DIP2B: variants seen among roughly 807,000 people sequenced by gnomAD.
The protein encoded by DIP2B is DIP2 acetate--CoA ligase B (putative), also known as disco-interacting protein 2 homolog B.
DIP2B carries 76 observed loss-of-function variants against 198.0 expected under a neutral mutation model. The observed-to-expected ratio is 0.38, with a 90% CI of 0.32 to 0.46. DIP2B has a LOEUF of 0.46. DIP2B is among the 20% of genes least tolerant of loss of function. The pLI is 0.99. For synonymous variants in DIP2B, 701 were observed against 739.1 expected, an observed-to-expected ratio of 0.95 and a Z score of 0.84; for missense variants, 1,559 against 1,978.4, an observed-to-expected ratio of 0.79 and a Z score of 4.02.
intron 1 of DIP2B, among the ~76,000 whole-genome samples, chr12:50,524,211 T>C (rs1958143560): frequency 6.6e-6 from 1 of 152,334 alleles, no homozygotes; most frequent in South Asian, 2.1e-4. Context: ...CTGTTAATCA[T>C]GCCCATGTCA....
intron 1 of DIP2B, among the ~76,000 whole-genome samples, chr12:50,575,255 C>T (rs1958648807): frequency 6.6e-6 from 1 of 152,170 alleles, no homozygotes; most frequent in Non-Finnish European, 1.5e-5. Context: ...AAACTAAACT[C>T]TCTTCTAGCC....
chr12:50,619,907 A>T (rs893746611), intron 1 of DIP2B, among the ~76,000 whole-genome samples: 4 of 152,116 alleles, frequency 2.6e-5, no homozygotes, highest in African/African-American at 9.7e-5. Flanking sequence ...AAAACTTTTT[A>T]AAAATTAGCT....
At chr12:50,551,659 G>C (rs531830669) in intron 1 of DIP2B, among the ~76,000 whole-genome samples, 12 of 152,228 alleles carry the variant, frequency 7.9e-5, no homozygotes, top group African/African-American at 2.9e-4. Flanking sequence ...GCCCCAGCTG[G>C]TCTTGAACTC....
At chr12:50,731,820 G>A (rs1303850606) in intron 31 of DIP2B, among the ~76,000 whole-genome samples, 3 of 152,194 alleles carry the variant, frequency 2.0e-5, no homozygotes, top group African/African-American at 7.2e-5. Context: ...AAAGGGAACT[G>A]TGGCTTCCAA....
At chr12:50,658,956 G>C (rs1322213697) in intron 3 of DIP2B, among the ~76,000 whole-genome samples, 1 of 152,122 alleles carries the variant, frequency 6.6e-6, no homozygotes, top group South Asian at 2.1e-4. Context: ...GCGTGGTGGC[G>C]TGTACCTGTA....
intron 1 of DIP2B, among the ~76,000 whole-genome samples, chr12:50,515,736 C>T (rs1289044810): frequency 6.6e-6 from 1 of 152,150 alleles, no homozygotes; most frequent in East Asian, 1.9e-4. Flanking sequence ...CCCAGGGCTT[C>T]AGCTGTCATG....
chr12:50,581,153 T>C (rs1403741110), intron 1 of DIP2B, among the ~76,000 whole-genome samples: 1 of 149,554 alleles, frequency 6.7e-6, no homozygotes, highest in Non-Finnish European at 1.5e-5. Context: ...ACTTTCTGCA[T>C]GTGAATGAGC....
intron 3 of DIP2B, among the ~76,000 whole-genome samples, chr12:50,647,539 G>A (rs1323811663): frequency 6.6e-6 from 1 of 152,188 alleles, no homozygotes; most frequent in African/African-American, 2.4e-5. Context: ...TATTTCAGAA[G>A]TTAGTCGTTG....
intron 1 of DIP2B, among the ~76,000 whole-genome samples, chr12:50,585,493 A>C (rs1346165209): frequency 1.3e-5 from 2 of 152,184 alleles, no homozygotes; most frequent in Admixed American, 1.3e-4. Context: ...AGAGAGCATC[A>C]TGTGAATGTT....
intron 1 of DIP2B, among the ~76,000 whole-genome samples, chr12:50,519,556 A>G (rs557670189): frequency 3.3e-5 from 5 of 152,310 alleles, no homozygotes; most frequent in Admixed American, 2.6e-4. Context: ...GGATGATAAT[A>G]TTTTGGATGC....
chr12:50,734,959 A>T, intron 33 of DIP2B, 114 bp from the exon 34 acceptor site: 1 of 1,279,822 alleles, frequency 7.8e-7, no homozygotes, highest in Non-Finnish European at 1.1e-6. Flanking sequence ...ACCCCTCTGT[A>T]GTATGAGGAA....
At chr12:50,646,179 A>G (rs1938346671) in intron 3 of DIP2B, among the ~76,000 whole-genome samples, 1 of 151,968 alleles carries the variant, frequency 6.6e-6, no homozygotes, top group Non-Finnish European at 1.5e-5. Flanking sequence ...GCTGGAGTGC[A>G]GTGATGTGAT....
chr12:50,599,263 A>G (rs564743360), intron 1 of DIP2B, among the ~76,000 whole-genome samples: 10 of 150,260 alleles, frequency 6.7e-5, no homozygotes, highest in South Asian at 2.1e-4. Context: ...CTTCACTTCA[A>G]CCTGGGCCAC....
chr12:50,653,346 C>CTTTTTTTTTTTTTTTT (rs34185073), intron 3 of DIP2B, among the ~76,000 whole-genome samples: 2 of 76,634 alleles, frequency 2.6e-5, no homozygotes, highest in African/African-American at 5.6e-5. Flanking sequence ...TTTTTCTTTT[C>CTTTTTTTTTTTTTTTT]TTTTTTTTTT....
intron 1 of DIP2B, among the ~76,000 whole-genome samples, chr12:50,518,346 T>G (rs552586580): frequency 6.6e-6 from 1 of 151,914 alleles, no homozygotes; most frequent in African/African-American, 2.4e-5. Context: ...TTCTTCAGCC[T>G]CCCGAGTAGC....
In DIP2B at chr12:50,645,633, A is replaced by AT. The variant is rs1288689088; in HGVS notation, c.301+4787dup. Among the ~76,000 whole-genome samples, 4 of 151,774 alleles carry AT rather than the reference A, an allele frequency of 2.6e-5. No individual in the cohort carries two copies. The South Asian group carries it at 6.2e-4, about 24-fold the overall frequency. ...CTACTGTGCCAGGTTAACTTATTTTATTTTTTGTAGAGATGGGATCTCACT... is the reference window on the plus strand; with the variant it reads ...CTACTGTGCCAGGTTAACTTATTTTATTTTTTTGTAGAGATGGGATCTCACT... On this transcript the variant is annotated intron_variant, in intron 3 of 37. Transcript: ENST00000301180.
At chr12:50,571,194 T>C (rs965529621) in intron 1 of DIP2B, among the ~76,000 whole-genome samples, 4 of 142,872 alleles carry the variant, frequency 2.8e-5, no homozygotes, top group Admixed American at 2.1e-4. Context: ...TTTTTGGAGA[T>C]GGAGTCTTAC....
intron 1 of DIP2B, among the ~76,000 whole-genome samples, chr12:50,525,534 A>G (rs1216374029): frequency 7.2e-6 from 1 of 138,520 alleles, no homozygotes; most frequent in African/African-American, 2.7e-5. Context: ...TTTTTTTGAG[A>G]CAGAGTCTCA....
At chr12:50,673,922 A>T (rs939302909) in intron 5 of DIP2B, among the ~76,000 whole-genome samples, 3 of 152,200 alleles carry the variant, frequency 2.0e-5, no homozygotes, top group Non-Finnish European at 4.4e-5. Context: ...TTACCTATGG[A>T]TTATTGTATA....
Sources: gnomAD v4.1 joint callset for allele counts (sites outside exome capture counted in the v4.1 genomes callset) on GRCh38, gnomAD v4.1.1 for gene constraint, MANE v1.5 for transcripts, NCBI Gene and HGNC (gene_info 2026-07-23, HGNC 2026-07-21) for gene names.